NR5A1: variants seen among roughly 807,000 people sequenced by gnomAD.
NR5A1 encodes the protein steroidogenic factor 1.
A neutral mutation model predicts 42.7 loss-of-function variants in NR5A1; 6 were observed. That is an observed-to-expected ratio of 0.14 (90% CI 0.08 to 0.28). The LOEUF (loss-of-function observed/expected upper bound fraction) is 0.28. Ranked by LOEUF, NR5A1 falls within the 10% of genes least tolerant of loss-of-function variation. NR5A1 has a pLI of 1.00. For synonymous variants in NR5A1, 274 were observed against 277.5 expected, an observed-to-expected ratio of 0.99 and a Z score of 0.12; for missense variants, 442 against 626.4, an observed-to-expected ratio of 0.71 and a Z score of 3.14.
chr9:124,482,491 G>A lies in NR5A1; in HGVS notation c.*267C>T, dbSNP rs1832142013. On this transcript the variant is annotated 3_prime_UTR_variant, in exon 7 of 7. Coordinates refer to ENST00000373588, the MANE Select transcript of NR5A1 (RefSeq NM_004959.5). Reference sequence around the variant, plus strand: ...GCTGGGAGCAGGGAGGGGGCGGGGCGGGTGGTTAACAGCCACCTCCTTGGG... The same window carrying A: ...GCTGGGAGCAGGGAGGGGGCGGGGCAGGTGGTTAACAGCCACCTCCTTGGG... 2 of 512,126 alleles carry A rather than the reference G, an allele frequency of 3.9e-6. No homozygotes were observed. Among genetic ancestry groups the A allele is most frequent in the East Asian group, 7.2e-5 (2 of 27,876 alleles). The allele number at this position is 512,126 out of a possible 1,614,324, so 31.7% of individuals were successfully genotyped here.
chr9:124,489,331 G>A (rs1832268441), intron 6 of NR5A1, among the ~76,000 whole-genome samples: 1 of 152,014 alleles, frequency 6.6e-6, no homozygotes, highest in African/African-American at 2.4e-5. Context: ...GGACTCCCGC[G>A]GACACACACT....
In NR5A1 at chr9:124,500,756, C is replaced by T; in HGVS notation, c.245-41G>A. The T allele has an allele frequency of 6.2e-7, 1 of 1,611,770 alleles. No individual in the cohort carries two copies. The highest frequency in any genetic ancestry group is 1.1e-5 in the South Asian group (1 of 91,076). On this transcript the variant is annotated intron_variant, in intron 3 of 6. Transcript: ENST00000373588. This position sits in a 1 kb window ranked among gnomAD's most constrained non-coding sequence, Gnocchi z 6.9. ...GAGGGTCAGACTCACCCTCTCTAAG[C>T]CCCCTTCCATGCTGCCCCACCACAG...
In NR5A1 at chr9:124,483,035, C is replaced by T. The variant is rs775343888; in HGVS notation, c.1139-30G>A. The T allele has an allele frequency of 2.0e-5, 32 of 1,612,390 alleles. No individual in the cohort carries two copies. In the South Asian group the frequency reaches 3.1e-4, roughly 16 times the overall value. On this transcript the variant is annotated intron_variant, in intron 6 of 6. Coordinates refer to ENST00000373588, the MANE Select transcript of NR5A1 (RefSeq NM_004959.5). ...AAAGGGAGGTTCTCGGTCACCATCG[C>T]GTCACCATCCATGCCCATCAGGGCT...
At chr9:124,487,689 A>G (rs1359118464) in intron 6 of NR5A1, among the ~76,000 whole-genome samples, 1 of 152,166 alleles carries the variant, frequency 6.6e-6, no homozygotes, top group Non-Finnish European at 1.5e-5. Flanking sequence ...CCCAGGGCGG[A>G]GCCGCCCCCG....
chr9:124,493,217 C>T, intron 4 of NR5A1, 68 bp from the exon 5 acceptor site: 1 of 1,553,200 alleles, frequency 6.4e-7, no homozygotes, highest in Non-Finnish European at 8.7e-7. Flanking sequence ...CTCACCCCTT[C>T]TCCTCCCACT....
rs150793235 is a variant in NR5A1, at chr9:124,485,017, G to A, written c.1139-2012C>T. Among the ~76,000 whole-genome samples, 214 of 152,192 alleles carry A rather than the reference G, an allele frequency of 1.4e-3. 2 individuals are homozygous for A. Among genetic ancestry groups the A allele is most frequent in the African/African-American group, 4.8e-3 (200 of 41,516 alleles). ...ACAGACGTGGATTCGAATCCCAGCC[G>A]CTGCTGAGGTGCAATGCTACCTGCC... On this transcript the variant is annotated intron_variant, in intron 6 of 6. Coordinates refer to ENST00000373588, the MANE Select transcript of NR5A1 (RefSeq NM_004959.5).
In NR5A1 at chr9:124,500,491, GTGGACCGGC is replaced by G. The variant is rs1564152526; in HGVS notation, c.460_468del (p.Ala154_Pro156del). The stretch of plus-strand genomic sequence containing the variant: ...CCAAAGTCGCCCAGTGGCCCAGCAG[GTGGACCGGC>G]GGCCAGGCCCTTGGGCTCAGGCCCA... On this transcript the variant is annotated inframe_deletion, in exon 4 of 7. Coordinates refer to ENST00000373588, the MANE Select transcript of NR5A1 (RefSeq NM_004959.5). This position sits in a 1 kb window ranked among gnomAD's most constrained non-coding sequence, Gnocchi z 6.9. 1.2e-5 allele frequency: 20 copies of G among 1,603,208 alleles called. No individual in the cohort carries two copies. The highest frequency in any genetic ancestry group is 1.7e-5 in the Non-Finnish European group (20 of 1,177,096).
chr9:124,487,813 G>C (rs1276342181), intron 6 of NR5A1, among the ~76,000 whole-genome samples: 3 of 152,372 alleles, frequency 2.0e-5, no homozygotes, highest in Middle Eastern at 3.4e-3. Flanking sequence ...CAGGAGAGGA[G>C]ACCTCTGCTC....
Position 124,500,309 on chromosome 9 carries a change from G to A in NR5A1, c.651C>T (p.Phe217=). Residue 217 remains phenylalanine, a synonymous_variant, in exon 4 of 7, where the codon TTC becomes TTT. Coordinates refer to ENST00000373588, the MANE Select transcript of NR5A1 (RefSeq NM_004959.5). The surrounding 1 kb of genome is among the most constrained non-coding windows in gnomAD (Gnocchi z 6.9). ...GCTCAGGCACGTTGGGCCCTCCAGA[G>A]AAGGGCTCTGGGTAGCCGTACGGCA... The part of the protein sequence containing the change: ...PGLPYGYPEP[F]SGGPNVPELI... 6.4e-7 allele frequency: 1 copy of A among 1,562,020 alleles called. No individual in the cohort carries two copies. Among genetic ancestry groups the A allele is most frequent in the Non-Finnish European group, 8.7e-7 (1 of 1,153,576 alleles).
At chr9:124,493,459 C>T (rs1452248913) in intron 4 of NR5A1, among the ~76,000 whole-genome samples, 2 of 152,342 alleles carry the variant, frequency 1.3e-5, no homozygotes, top group Non-Finnish European at 1.5e-5. Context: ...AAGTACTGAG[C>T]GGACAGTCCA....
chr9:124,483,139 A>T (rs2131269513), intron 6 of NR5A1, 134 bp from the exon 7 acceptor site: 1 of 1,583,842 alleles, frequency 6.3e-7, no homozygotes, highest in African/African-American at 1.3e-5. Flanking sequence ...GCCACCAACC[A>T]TGCAACATGG....
rs373705547 is a variant in NR5A1, at chr9:124,491,251, G to A, written c.991-23C>T. The A allele has an allele frequency of 7.1e-4, 1,114 of 1,579,454 alleles. 3 individuals carry two copies. The highest frequency in any genetic ancestry group is 2.7e-3 in the South Asian group (239 of 87,956). ...CACCTGGGGGCAGAGGGCACGGGGCGGGGGACAGTCAGAGGACGTGGGTCC... is the reference window on the plus strand; with the variant it reads ...CACCTGGGGGCAGAGGGCACGGGGCAGGGGACAGTCAGAGGACGTGGGTCC... On this transcript the variant is annotated intron_variant, in intron 5 of 6. Transcript: ENST00000373588.
chr9:124,500,255 C>T lies in NR5A1; in HGVS notation c.705G>A (p.Pro235=), dbSNP rs747337135. ...ELILQLLQLE[P]DEDQVRARIL... ...TGCGGGCCCGCACCTGGTCCTCATC[C>T]GGCTCCAGCTGCAGCAGCTGCAGGA... is the stretch of plus-strand genomic sequence containing the variant. The change falls in exon 4 of 7, where the codon CCG becomes CCA. Residue 235 remains proline, a synonymous_variant. Transcript: ENST00000373588. The surrounding 1 kb of genome is among the most constrained non-coding windows in gnomAD (Gnocchi z 6.9). 25 of 1,596,064 alleles carry T rather than the reference C, an allele frequency of 1.6e-5. No individual in the cohort carries two copies. The highest frequency in any genetic ancestry group is 6.7e-5 in the African/African-American group (5 of 74,492).
chr9:124,488,609 G>A (rs141074389), intron 6 of NR5A1, among the ~76,000 whole-genome samples: 21 of 152,270 alleles, frequency 1.4e-4, no homozygotes, highest in East Asian at 3.9e-4. Flanking sequence ...AAACAATTCC[G>A]ACACACACTT....
rs527755062 is a variant in NR5A1, at chr9:124,498,566, G to A, written c.870+1524C>T. 7.0e-4 allele frequency among the ~76,000 whole-genome samples: 106 copies of A among 152,354 alleles called. No individual in the cohort carries two copies. The highest frequency in any genetic ancestry group is 2.5e-3 in the African/African-American group (105 of 41,582). On this transcript the variant is annotated intron_variant, in intron 4 of 6. Transcript: ENST00000373588. This position sits in a 1 kb window ranked among gnomAD's most constrained non-coding sequence, Gnocchi z 4.6. ...GAATGCCCTGCTCCTCCTCCCCTCT[G>A]CACGGGGGGTGCATGGGAAGTCTGG...
intron 6 of NR5A1, among the ~76,000 whole-genome samples, chr9:124,484,057 C>T (rs1018302472): frequency 2.6e-5 from 4 of 152,134 alleles, no homozygotes; most frequent in Admixed American, 1.3e-4. Flanking sequence ...CCACATTACC[C>T]TACAGTTGGC....
chr9:124,493,996 A>AGGCCAG, intron 4 of NR5A1, among the ~76,000 whole-genome samples: 1 of 152,326 alleles, frequency 6.6e-6, no homozygotes, highest in South Asian at 2.1e-4. Flanking sequence ...AGGCAGGGCC[A>AGGCCAG]GGCCAGGGCC....
chr9:124,494,288 G>A (rs2131281141), intron 4 of NR5A1, among the ~76,000 whole-genome samples: 1 of 152,288 alleles, frequency 6.6e-6, no homozygotes, highest in South Asian at 2.1e-4. Flanking sequence ...ATGATAGAGA[G>A]AAGAAACTGA....
Position 124,500,918 on chromosome 9 carries a change from A to G in NR5A1, c.245-203T>C, listed in dbSNP as rs1832462185. 2 of 791,504 alleles carry G rather than the reference A, an allele frequency of 2.5e-6. No homozygotes were observed. The highest frequency in any genetic ancestry group is 4.4e-6 in the Non-Finnish European group (2 of 454,400). The allele number at this position is 791,504 out of a possible 1,614,324, so 49.0% of individuals were successfully genotyped here. ...AGCTTTTCAGGCAATCCCTGCTAAG[A>G]CCCCTCTCCTTCCACTCCACCGAAC... On this transcript the variant is annotated intron_variant, in intron 3 of 6. Transcript: ENST00000373588. The surrounding 1 kb of genome is among the most constrained non-coding windows in gnomAD (Gnocchi z 6.9).
Sources: gnomAD v4.1 joint callset for allele counts (sites outside exome capture counted in the v4.1 genomes callset) on GRCh38, gnomAD v4.1.1 for gene constraint, Gnocchi (gnomAD v3.1) non-coding constraint, MANE v1.5 for transcripts, NCBI Gene and HGNC (gene_info 2026-07-23, HGNC 2026-07-21) for gene names.